Variants in PCDH11X observed in about 807,000 individuals in gnomAD.
PCDH11X encodes protocadherin 11 X-linked.
PCDH11X carries 18 observed loss-of-function variants against 53.3 expected under a neutral mutation model. The ratio of observed to expected loss-of-function variants is 0.34; its 90% CI spans 0.23 to 0.50. The LOEUF (loss-of-function observed/expected upper bound fraction) is 0.50. Ranked by LOEUF, PCDH11X falls within the 20% of genes least tolerant of loss-of-function variation. The pLI, the probability that PCDH11X is intolerant of heterozygous loss-of-function variation, is 0.98. For synonymous variants in PCDH11X, 279 were observed against 393.3 expected, an observed-to-expected ratio of 0.71 and a Z score of 3.44; for missense variants, 570 against 1,032.4, an observed-to-expected ratio of 0.55 and a Z score of 6.14.
intron 8 of PCDH11X, among the ~76,000 whole-genome samples, chrX:92,292,826 T>G (rs1427369054): frequency 9.0e-6 from 1 of 111,463 alleles, no homozygotes; most frequent in Non-Finnish European, 1.9e-5. Flanking sequence ...CAGCAATGAA[T>G]TATTCAATTC....
intron 6 of PCDH11X, among the ~76,000 whole-genome samples, chrX:91,987,559 A>G (rs1468211117): frequency 9.0e-6 from 1 of 111,613 alleles, no homozygotes; most frequent in Non-Finnish European, 1.9e-5. Context: ...TTTAAAGTTT[A>G]TATTTAATTT....
rs190786069 is a variant in PCDH11X at position 92,033,824 on chromosome X, G to A, written c.3033+154551G>A. Among the ~76,000 whole-genome samples the A allele has an allele frequency of 9.3e-3, 1,009 of 108,311 alleles. 28 individuals carry two copies. Among genetic ancestry groups the A allele is most frequent in the Admixed American group, 0.074 (742 of 10,088 alleles). The allele number at this position is 108,311 out of a possible 115,157, so 94.1% of individuals were successfully genotyped here. ...TGCTCTTGTTTTTCCAGTTTTTTAA[G>A]ATGCATAGTTAGGTTATGTATTTGA... On this transcript the variant is annotated intron_variant, in intron 6 of 10. Transcript: ENST00000682573.
chrX:91,856,447 G>A (rs1938340327), intron 5 of PCDH11X, among the ~76,000 whole-genome samples: 1 of 110,388 alleles, frequency 9.1e-6, no homozygotes, highest in Non-Finnish European at 1.9e-5. Flanking sequence ...ATATTTGCTT[G>A]TAGTTTTCTC....
intron 8 of PCDH11X, among the ~76,000 whole-genome samples, chrX:92,283,333 T>C (rs972800195): frequency 9.9e-5 from 11 of 111,526 alleles, no homozygotes; most frequent in African/African-American, 3.6e-4. Context: ...TTCAAGTTTT[T>C]ATAGAAGTGA....
intron 8 of PCDH11X, among the ~76,000 whole-genome samples, chrX:92,264,294 C>A (rs1228382834): frequency 1.8e-5 from 2 of 111,548 alleles, no homozygotes; most frequent in Admixed American, 1.9e-4. Flanking sequence ...ATCAATATAT[C>A]TTTCGGAGTG....
intron 6 of PCDH11X, among the ~76,000 whole-genome samples, chrX:92,058,784 C>A (rs2063487195): frequency 9.4e-6 from 1 of 106,854 alleles, no homozygotes; most frequent in African/African-American, 3.4e-5. Flanking sequence ...AAAAACAGAA[C>A]CGAATAAATA....
intron 6 of PCDH11X, among the ~76,000 whole-genome samples, chrX:91,898,158 ACTT>A (rs1425144533): frequency 9.1e-6 from 1 of 109,916 alleles, no homozygotes; most frequent in Non-Finnish European, 1.9e-5. Context: ...TAAGTATAAG[ACTT>A]CTTCTACATA....
At chrX:92,583,005 C>T (rs1923890171) in intron 10 of PCDH11X, among the ~76,000 whole-genome samples, 1 of 110,793 alleles carries the variant, frequency 9.0e-6, no homozygotes, top group Non-Finnish European at 1.9e-5. Flanking sequence ...AATGCCTATA[C>T]TCCTGTTGTA....
intron 10 of PCDH11X, among the ~76,000 whole-genome samples, chrX:92,483,022 T>A (rs1017167215): frequency 5.6e-5 from 6 of 107,315 alleles, no homozygotes; most frequent in Non-Finnish European, 1.2e-4. Context: ...CATTTTAGTG[T>A]ATGAGGTATT....
At chrX:92,276,717 T>A (rs951576192) in intron 8 of PCDH11X, among the ~76,000 whole-genome samples, 15 of 111,730 alleles carry the variant, frequency 1.3e-4, no homozygotes, top group Non-Finnish European at 2.3e-4. Flanking sequence ...GACGGCCAGA[T>A]TCTAATTTTT....
intron 6 of PCDH11X, among the ~76,000 whole-genome samples, chrX:91,903,658 T>TGC (rs764061422): frequency 4.2e-5 from 4 of 94,339 alleles, no homozygotes; most frequent in Non-Finnish European, 8.8e-5. Context: ...TCTATGTGCG[T>TGC]GTGTGTGTGT....
chrX:92,133,609 C>T (rs1442866609), intron 6 of PCDH11X, among the ~76,000 whole-genome samples: 1 of 112,153 alleles, frequency 8.9e-6, no homozygotes, highest in African/African-American at 3.2e-5. Context: ...CAGGTGATCA[C>T]CCCGCCTCGG....
chrX:92,244,795 G>T (rs2067318531), intron 7 of PCDH11X, among the ~76,000 whole-genome samples: 1 of 111,769 alleles, frequency 8.9e-6, no homozygotes, highest in Non-Finnish European at 1.9e-5. Context: ...TGCTCCCAGA[G>T]CCTGCGATCT....
chrX:92,144,376 C>T (rs758690533), intron 6 of PCDH11X, among the ~76,000 whole-genome samples: 1 of 110,246 alleles, frequency 9.1e-6, no homozygotes, highest in East Asian at 2.9e-4. Context: ...ACGTGTTGTG[C>T]GAAGGACCCA....
At chrX:92,102,760 G>C (rs1254664439) in intron 6 of PCDH11X, among the ~76,000 whole-genome samples, 2 of 111,191 alleles carry the variant, frequency 1.8e-5, no homozygotes, top group African/African-American at 6.6e-5. Flanking sequence ...GTAGTAGAGG[G>C]AGGTATTGAG....
intron 6 of PCDH11X, among the ~76,000 whole-genome samples, chrX:91,976,911 A>C (rs867881209): frequency 1.8e-5 from 2 of 111,545 alleles, no homozygotes; most frequent in African/African-American, 6.5e-5. Context: ...AGGTTAGCTT[A>C]AGTGAAGAAA....
intron 7 of PCDH11X, among the ~76,000 whole-genome samples, chrX:92,226,363 A>G (rs1385695107): frequency 9.0e-6 from 1 of 111,622 alleles, no homozygotes; most frequent in East Asian, 2.8e-4. Context: ...GAGTAGAGAA[A>G]TCTAGCAAGG....
At chrX:91,969,355 C>A (rs763745898) in intron 6 of PCDH11X, among the ~76,000 whole-genome samples, 4 of 109,571 alleles carry the variant, frequency 3.7e-5, no homozygotes, top group African/African-American at 1.3e-4. Flanking sequence ...CCAAACAAGT[C>A]TTTGCTCACT....
intron 10 of PCDH11X, among the ~76,000 whole-genome samples, chrX:92,570,132 A>C (rs1922034698): frequency 9.1e-6 from 1 of 110,087 alleles, no homozygotes; most frequent in Non-Finnish European, 1.9e-5. Flanking sequence ...TAATCATTTA[A>C]ATTTTGCAGG....
Sources: gnomAD v4.1 joint callset for allele counts (sites outside exome capture counted in the v4.1 genomes callset) on GRCh38, gnomAD v4.1.1 for gene constraint, MANE v1.5 for transcripts, NCBI Gene and HGNC (gene_info 2026-07-23, HGNC 2026-07-21) for gene names.